CSMD1: variants seen among roughly 807,000 people sequenced by gnomAD.
CSMD1 encodes CUB and Sushi multiple domains 1.
A neutral mutation model predicts 417.5 loss-of-function variants in CSMD1; 213 were observed. The ratio of observed to expected loss-of-function variants is 0.51; its 90% CI spans 0.46 to 0.57. The LOEUF is 0.57. CSMD1 is among the 20% of genes least tolerant of loss of function. The probability of loss-of-function intolerance (pLI) is 0.00; values close to 1 mark genes in which losing one functional copy is unlikely to be tolerated. For missense variants in CSMD1, 6,923 were observed against 4,529.7 expected (o/e 1.53, Z -15.17); for synonymous variants, 2,862 against 1,736.8 (o/e 1.65, Z -16.11).
intron 1 of CSMD1, among the ~76,000 whole-genome samples, chr8:4,669,887 T>C (rs1805181325): frequency 6.6e-6 from 1 of 152,176 alleles, no homozygotes; most frequent in Non-Finnish European, 1.5e-5. Context: ...CTTCTAGAAC[T>C]GCTGAAAGGT....
intron 1 of CSMD1, among the ~76,000 whole-genome samples, chr8:4,673,816 C>A (rs1011209588): frequency 1.3e-5 from 2 of 152,132 alleles, no homozygotes; most frequent in African/African-American, 4.8e-5. Context: ...CATATATCCA[C>A]AGAGACTAAA....
intron 5 of CSMD1, among the ~76,000 whole-genome samples, chr8:3,827,199 A>G (rs972410893): frequency 1.3e-5 from 2 of 152,200 alleles, no homozygotes; most frequent in South Asian, 2.1e-4. Flanking sequence ...TATTCTCCCA[A>G]AGAGTAGGGA....
intron 2 of CSMD1, among the ~76,000 whole-genome samples, chr8:4,600,993 G>A (rs962841737): frequency 7.4e-6 from 1 of 134,618 alleles, no homozygotes; most frequent in African/African-American, 2.8e-5. Flanking sequence ...TTTTGCTCTC[G>A]TCACCCAGGC....
At chr8:4,171,404 G>A (rs1001985274) in intron 3 of CSMD1, among the ~76,000 whole-genome samples, 4 of 151,626 alleles carry the variant, frequency 2.6e-5, no homozygotes, top group African/African-American at 9.8e-5. Flanking sequence ...GTGAATATTT[G>A]ACCCTATTAA....
chr8:4,398,783 G>T (rs550570089), intron 3 of CSMD1, among the ~76,000 whole-genome samples: 2 of 152,124 alleles, frequency 1.3e-5, no homozygotes, highest in Admixed American at 6.5e-5. Flanking sequence ...GATCAGCACT[G>T]TTCTTTCACC....
At chr8:4,409,771 T>G (rs1018081413) in intron 3 of CSMD1, among the ~76,000 whole-genome samples, 1 of 151,692 alleles carries the variant, frequency 6.6e-6, no homozygotes, top group East Asian at 1.9e-4. Context: ...TCCAGGAGAA[T>G]GTAATATCAT....
rs1031957942 is a variant in CSMD1 at position 3,006,195 on chromosome 8, C to T, written c.8030-6064G>A. Among the ~76,000 whole-genome samples, 50 of 151,720 alleles carry T rather than the reference C, an allele frequency of 3.3e-4. No homozygotes were observed. In the East Asian group the frequency reaches 9.1e-3, roughly 28 times the overall value. On this transcript the variant is annotated intron_variant, in intron 52 of 69. Transcript: ENST00000635120. ...CAATTGCTTCAAAGAGAATAAAATA[C>T]CTAGGAATCCAATTTACAAGGGATG...
At chr8:4,130,687 G>A (rs907010691) in intron 3 of CSMD1, among the ~76,000 whole-genome samples, 8 of 151,498 alleles carry the variant, frequency 5.3e-5, no homozygotes, top group Non-Finnish European at 7.4e-5. Context: ...TAATTTTAGT[G>A]GAATTTTGGA....
At chr8:3,201,470 A>G in intron 32 of CSMD1, 142 bp downstream of exon 32, 1 of 462,322 alleles carries the variant, frequency 2.2e-6, no homozygotes, top group Non-Finnish European at 3.8e-6. Flanking sequence ...TATCTAAAAT[A>G]AGATTTTTCT....
chr8:3,467,805 T>C (rs1292306187), intron 12 of CSMD1, among the ~76,000 whole-genome samples: 1 of 152,214 alleles, frequency 6.6e-6, no homozygotes, highest in Non-Finnish European at 1.5e-5. Flanking sequence ...TTTTTTATTA[T>C]CTCCTTCATT....
At chr8:4,404,354 G>T (rs545816948) in intron 3 of CSMD1, among the ~76,000 whole-genome samples, 3 of 152,094 alleles carry the variant, frequency 2.0e-5, no homozygotes, top group East Asian at 1.9e-4. Flanking sequence ...ACCCATGAGC[G>T]CAGGGATTTT....
chr8:3,307,413 G>C (rs1168393414), intron 25 of CSMD1, among the ~76,000 whole-genome samples: 5 of 27,322 alleles, frequency 1.8e-4, no homozygotes, highest in Admixed American at 3.4e-4. Context: ...ACGAAGTCAT[G>C]ATGTTTTTTT....
At chr8:3,297,268 G>A (rs1180401964) in intron 25 of CSMD1, among the ~76,000 whole-genome samples, 1 of 152,150 alleles carries the variant, frequency 6.6e-6, no homozygotes, top group African/African-American at 2.4e-5. Context: ...ATCTATTGAT[G>A]TCATGGGATA....
intron 3 of CSMD1, among the ~76,000 whole-genome samples, chr8:4,264,582 T>A (rs989845470): frequency 3.3e-5 from 5 of 152,160 alleles, no homozygotes; most frequent in South Asian, 2.1e-4. Flanking sequence ...TATGGAAGAC[T>A]GGTTCCTCGG....
intron 1 of CSMD1, among the ~76,000 whole-genome samples, chr8:4,697,879 G>C (rs1348961804): frequency 1.3e-5 from 2 of 152,106 alleles, no homozygotes; most frequent in Non-Finnish European, 2.9e-5. Context: ...TACATAATAT[G>C]TAAAGGACCA....
At chr8:4,019,477 C>G (rs1192248101) in intron 4 of CSMD1, among the ~76,000 whole-genome samples, 1 of 152,098 alleles carries the variant, frequency 6.6e-6, no homozygotes, top group South Asian at 2.1e-4. Flanking sequence ...TTAGGGCCCA[C>G]TGTTTTACTG....
At chr8:4,531,004 T>G (rs1382515419) in intron 2 of CSMD1, among the ~76,000 whole-genome samples, 1 of 152,100 alleles carries the variant, frequency 6.6e-6, no homozygotes, top group East Asian at 1.9e-4. Flanking sequence ...TCACATGAAC[T>G]GCCACCCCAT....
intron 2 of CSMD1, among the ~76,000 whole-genome samples, chr8:4,575,987 A>C (rs1004333186): frequency 6.6e-6 from 1 of 152,226 alleles, no homozygotes; most frequent in African/African-American, 2.4e-5. Flanking sequence ...CCACAGCCTC[A>C]GTCCAAGCTG....
intron 3 of CSMD1, among the ~76,000 whole-genome samples, chr8:4,068,109 A>C (rs1187001172): frequency 6.6e-6 from 1 of 152,132 alleles, no homozygotes; most frequent in Non-Finnish European, 1.5e-5. Flanking sequence ...AAAGGGACAC[A>C]ACAGTGAGTG....
Sources: gnomAD v4.1 joint callset for allele counts (sites outside exome capture counted in the v4.1 genomes callset) on GRCh38, gnomAD v4.1.1 for gene constraint, MANE v1.5 for transcripts, NCBI Gene and HGNC (gene_info 2026-07-23, HGNC 2026-07-21) for gene names.